Variants in ERICH1 observed in about 807,000 individuals in gnomAD.
ERICH1 encodes glutamate-rich protein 1.
In ERICH1, 56 loss-of-function variants were observed where a neutral mutation model predicts 39.6. The observed-to-expected ratio is 1.41, with a 90% CI of 1.14 to 1.77. The LOEUF is 1.77. Ranked by LOEUF, ERICH1 falls within the 40% of genes most tolerant of loss-of-function variation. ERICH1 has a pLI of 0.00. For missense variants in ERICH1, 826 were observed against 575.4 expected (o/e 1.44, Z -4.45); for synonymous variants, 313 against 223.6 (o/e 1.40, Z -3.57).
At chr8:716,276 G>A (rs1401195211) in intron 1 of ERICH1, among the ~76,000 whole-genome samples, 10 of 152,226 alleles carry the variant, frequency 6.6e-5, no homozygotes, top group Admixed American at 6.5e-4. Context: ...CATCCAGGAG[G>A]CTGTGCACTG....
intron 3 of ERICH1, among the ~76,000 whole-genome samples, chr8:676,656 G>A (rs1287044008): frequency 6.6e-6 from 1 of 152,288 alleles, no homozygotes; most frequent in Admixed American, 6.5e-5. Context: ...TGGCGCACAC[G>A]CCCCGCCCCA....
At chr8:674,195 C>G in intron 3 of ERICH1, 148 bp from the exon 4 acceptor site, 2 of 896,926 alleles carry the variant, frequency 2.2e-6, no homozygotes. Context: ...ACTTTACCAT[C>G]AAAGATCCTA....
chr8:690,663 T>G (rs1395053870), intron 3 of ERICH1, among the ~76,000 whole-genome samples: 1 of 152,248 alleles, frequency 6.6e-6, no homozygotes, highest in Non-Finnish European at 1.5e-5. Context: ...CGATCCAAGT[T>G]GCTGTGGGGA....
intron 2 of ERICH1, among the ~76,000 whole-genome samples, chr8:694,664 G>A (rs1206087638): frequency 5.3e-5 from 8 of 152,192 alleles, no homozygotes; most frequent in African/African-American, 1.9e-4. Flanking sequence ...GGGGCCTCAC[G>A]GCTTGCTCGT....
chr8:636,134 G>GGC (rs1798416357), intron 3 of ERICH1, among the ~76,000 whole-genome samples: 1 of 152,218 alleles, frequency 6.6e-6, no homozygotes, highest in Admixed American at 6.5e-5. Flanking sequence ...GCTAATGTCT[G>GGC]GCGCGCTCTA....
intron 3 of ERICH1, among the ~76,000 whole-genome samples, chr8:689,776 G>T (rs530824838): frequency 1.3e-5 from 2 of 152,332 alleles, no homozygotes; most frequent in African/African-American, 4.8e-5. Flanking sequence ...GGTCTACACA[G>T]GAGAAGACGG....
chr8:708,642 G>T (rs1332318116), intron 2 of ERICH1, among the ~76,000 whole-genome samples: 1 of 149,608 alleles, frequency 6.7e-6, no homozygotes, highest in East Asian at 2.0e-4. Flanking sequence ...GAGGCTAGAG[G>T]GAGTGGGGAA....
intron 2 of ERICH1, among the ~76,000 whole-genome samples, chr8:700,499 C>T (rs1811823282): frequency 7.3e-6 from 1 of 137,852 alleles, no homozygotes; most frequent in Non-Finnish European, 1.6e-5. Context: ...CCCGCACACG[C>T]GCACAGGCCC....
At chr8:697,136 C>T (rs965358912) in intron 2 of ERICH1, among the ~76,000 whole-genome samples, 2 of 152,210 alleles carry the variant, frequency 1.3e-5, no homozygotes, top group African/African-American at 4.8e-5. Flanking sequence ...ACATATTCTT[C>T]TTTCCTCTGT....
At chr8:636,144 A>G (rs912728132) in intron 3 of ERICH1, among the ~76,000 whole-genome samples, 2 of 152,182 alleles carry the variant, frequency 1.3e-5, no homozygotes, top group Non-Finnish European at 2.9e-5. Context: ...GGCGCGCTCT[A>G]AGGCGGCTGA....
chr8:662,506 T>C (rs1001544569), downstream of ERICH1, among the ~76,000 whole-genome samples: 7 of 151,844 alleles, frequency 4.6e-5, no homozygotes, highest in Non-Finnish European at 8.8e-5. Flanking sequence ...AAATTAGTCA[T>C]GTGTGGTGGC....
intron 3 of ERICH1, among the ~76,000 whole-genome samples, chr8:690,703 G>A (rs190686368): frequency 4.1e-4 from 62 of 152,378 alleles, no homozygotes; most frequent in Middle Eastern, 3.4e-3. Flanking sequence ...GCTGCGCAAG[G>A]TCCTGAGTGT....
At chr8:711,225 C>T (rs556158372) in intron 2 of ERICH1, among the ~76,000 whole-genome samples, 1 of 152,316 alleles carries the variant, frequency 6.6e-6, no homozygotes, top group African/African-American at 2.4e-5. Context: ...TTTTGAGTAA[C>T]AGTCCTTTGT....
chr8:651,774 G>T (rs1799983272), intron 3 of ERICH1, among the ~76,000 whole-genome samples: 1 of 151,812 alleles, frequency 6.6e-6, no homozygotes, highest in Admixed American at 6.6e-5. Flanking sequence ...GGAGGGGAGG[G>T]CATCTGGTTT....
At chr8:616,960 CACACAG>C (rs1796957420) in intron 3 of ERICH1, among the ~76,000 whole-genome samples, 1 of 9,944 alleles carries the variant, frequency 1.0e-4, no homozygotes, top group Non-Finnish European at 1.4e-4. Flanking sequence ...GAGACAGAGA[CACACAG>C]AGAGAGAGAG....
At chr8:674,465 G>A (rs1272688220) in intron 3 of ERICH1, among the ~76,000 whole-genome samples, 1 of 152,052 alleles carries the variant, frequency 6.6e-6, no homozygotes, top group African/African-American at 2.4e-5. Flanking sequence ...ACCATGCCCA[G>A]CTAATTTTTT....
chr8:652,367 C>G (rs1015832966), intron 3 of ERICH1, among the ~76,000 whole-genome samples: 4 of 152,194 alleles, frequency 2.6e-5, no homozygotes, highest in African/African-American at 4.8e-5. Flanking sequence ...ACAACACAGG[C>G]TCGCAACCAA....
intron 1 of ERICH1, among the ~76,000 whole-genome samples, chr8:720,919 C>G (rs188619043): frequency 3.6e-4 from 55 of 152,294 alleles, no homozygotes; most frequent in African/African-American, 1.3e-3. Flanking sequence ...AGCCTTGTCA[C>G]AGAAAAGACG....
In ERICH1 at chr8:668,686, G is replaced by T. The variant is rs1325411852; in HGVS notation, c.1170C>A (p.Tyr390Ter). ...GCAGGAGCAGCAGCGTTTTCATGTG[G>T]TACAGGATGGACACGTCTGAGGGCA... is the stretch of plus-strand genomic sequence containing the variant. The part of the protein sequence containing the change: ...SMLPSDVSIL[Y>*]HMKTLLLLQD... The change falls in exon 5 of 6, where the codon TAC becomes TAA. Residue 390 changes from tyrosine to a stop codon, truncating the protein, a stop_gained. Coordinates refer to ENST00000262109, the MANE Select transcript of ERICH1 (RefSeq NM_207332.3). LOFTEE classifies it high-confidence loss of function. 1 of 1,614,138 alleles carries T rather than the reference G, an allele frequency of 6.2e-7. No individual in the cohort carries two copies.
Sources: gnomAD v4.1 joint callset for allele counts (sites outside exome capture counted in the v4.1 genomes callset) on GRCh38, gnomAD v4.1.1 for gene constraint, MANE v1.5 for transcripts, NCBI Gene and HGNC (gene_info 2026-07-23, HGNC 2026-07-21) for gene names.